FBXL20: variants seen among roughly 807,000 people sequenced by gnomAD.
FBXL20 encodes F-box and leucine rich repeat protein 20, also known as F-box/LRR-repeat protein 20.
A neutral mutation model predicts 64.0 loss-of-function variants in FBXL20; 11 were observed. That is an observed-to-expected ratio of 0.17 (90% CI 0.11 to 0.28). The LOEUF (loss-of-function observed/expected upper bound fraction) is 0.28. FBXL20 is among the 10% of genes least tolerant of loss of function. The probability of loss-of-function intolerance (pLI) is 1.00; values close to 1 mark genes in which losing one functional copy is unlikely to be tolerated. For synonymous variants in FBXL20, 184 were observed against 189.0 expected, an observed-to-expected ratio of 0.97 and a Z score of 0.22; for missense variants, 303 against 526.2, an observed-to-expected ratio of 0.58 and a Z score of 4.15.
intron 14 of FBXL20, among the ~76,000 whole-genome samples, chr17:39,263,496 C>T (rs1241576962): frequency 6.6e-6 from 1 of 152,110 alleles, no homozygotes; most frequent in African/African-American, 2.4e-5. Flanking sequence ...GCCTGGGTGA[C>T]AGAGGAGACC....
At chr17:39,262,152 C>T (rs2046752364) in intron 14 of FBXL20, among the ~76,000 whole-genome samples, 1 of 152,034 alleles carries the variant, frequency 6.6e-6, no homozygotes, top group South Asian at 2.1e-4. Context: ...CAAGGCCACC[C>T]CCAGTGCAAT....
chr17:39,336,709 A>G (rs1216813307), intron 2 of FBXL20, among the ~76,000 whole-genome samples: 2 of 151,920 alleles, frequency 1.3e-5, no homozygotes, highest in Non-Finnish European at 2.9e-5. Context: ...CTGTAATCCC[A>G]GCTACTCAGG....
At chr17:39,366,844 A>G (rs1269065984) in intron 1 of FBXL20, among the ~76,000 whole-genome samples, 1 of 149,236 alleles carries the variant, frequency 6.7e-6, no homozygotes, top group East Asian at 1.9e-4. Flanking sequence ...AAATTTCATC[A>G]TCAAGCCTCT....
intron 1 of FBXL20, among the ~76,000 whole-genome samples, chr17:39,394,398 G>A (rs2048162924): frequency 6.7e-6 from 1 of 148,196 alleles, no homozygotes; most frequent in South Asian, 2.1e-4. Flanking sequence ...TCAGCCTCCC[G>A]AGTAGCTGGG....
intron 2 of FBXL20, among the ~76,000 whole-genome samples, chr17:39,328,880 C>T (rs1007734381): frequency 4.6e-5 from 7 of 152,020 alleles, no homozygotes; most frequent in Non-Finnish European, 2.9e-5. Flanking sequence ...TAATGAGATC[C>T]CTATCTCTAC....
intron 10 of FBXL20, 80 bp downstream of exon 10, chr17:39,274,890 T>C (rs2046876134): frequency 6.3e-7 from 1 of 1,583,076 alleles, no homozygotes; most frequent in Non-Finnish European, 8.6e-7. Flanking sequence ...TACCTTAAAA[T>C]TCCAAAGTTC....
At chr17:39,363,925 G>A (rs867493719) in intron 1 of FBXL20, among the ~76,000 whole-genome samples, 2 of 129,178 alleles carry the variant, frequency 1.5e-5, no homozygotes, top group East Asian at 2.2e-4. Flanking sequence ...AGTCCCACTC[G>A]GTCGCCCAGG....
intron 1 of FBXL20, among the ~76,000 whole-genome samples, chr17:39,371,664 CTTTTTTTT>C (rs76801256): frequency 7.0e-6 from 1 of 143,170 alleles, no homozygotes; most frequent in Non-Finnish European, 1.5e-5. Context: ...TTACTTTTTT[CTTTTTTTT>C]TTTTTTGAGA....
intron 1 of FBXL20, among the ~76,000 whole-genome samples, chr17:39,345,621 A>G (rs2047625601): frequency 6.6e-6 from 1 of 151,922 alleles, no homozygotes; most frequent in African/African-American, 2.4e-5. Flanking sequence ...GATCACTGCA[A>G]CCTCCACCTC....
At chr17:39,402,131 G>A (rs1035080671), upstream of FBXL20, 1 of 1,231,470 alleles carries the variant, frequency 8.1e-7, no homozygotes, top group African/African-American at 1.6e-5. Context: ...TAAGGCACCC[G>A]CATCCTTCCC....
intron 2 of FBXL20, among the ~76,000 whole-genome samples, chr17:39,334,968 T>G (rs2047506206): frequency 6.6e-6 from 1 of 152,112 alleles, no homozygotes; most frequent in African/African-American, 2.4e-5. Flanking sequence ...AAAACTCAGT[T>G]GTATGTAAGA....
At chr17:39,365,741 T>C (rs546855941) in intron 1 of FBXL20, among the ~76,000 whole-genome samples, 5 of 152,350 alleles carry the variant, frequency 3.3e-5, no homozygotes, top group South Asian at 2.1e-4. Context: ...GAGGATTCCA[T>C]GAACTCTGAA....
At chr17:39,393,850 T>C (rs753794040) in intron 1 of FBXL20, among the ~76,000 whole-genome samples, 3 of 152,240 alleles carry the variant, frequency 2.0e-5, no homozygotes, top group Admixed American at 6.5e-5. Flanking sequence ...TCATATTAAA[T>C]ACGTATCTTT....
intron 1 of FBXL20, among the ~76,000 whole-genome samples, chr17:39,385,541 A>AGT (rs1207721922): frequency 3.3e-5 from 5 of 152,174 alleles, no homozygotes; most frequent in African/African-American, 1.2e-4. Flanking sequence ...GTAAAACAGA[A>AGT]GTGGGTGGAA....
intron 2 of FBXL20, among the ~76,000 whole-genome samples, chr17:39,334,848 G>T (rs2047504907): frequency 6.6e-6 from 1 of 152,206 alleles, no homozygotes. Context: ...CCAGCACTTT[G>T]GGAGGCTGAG....
At chr17:39,301,738 A>G (rs149006407) in intron 3 of FBXL20, among the ~76,000 whole-genome samples, 530 of 152,008 alleles carry the variant, frequency 3.5e-3, no homozygotes, top group African/African-American at 0.012. Flanking sequence ...GGGGGGAAAA[A>G]TTAAAAAAAT....
chr17:39,390,232 G>C (rs1004735467), intron 1 of FBXL20, among the ~76,000 whole-genome samples: 2 of 151,862 alleles, frequency 1.3e-5, no homozygotes, highest in Admixed American at 1.3e-4. Context: ...ACCAGCCTGG[G>C]CAACATGGCG....
At position 39,300,957 on chromosome 17, in the gene FBXL20, A is replaced by G. The variant is rs765617698; in HGVS notation, c.234+44T>C. ...CTAGGGCTAATCTGTTCCATGCTGT[A>G]ATTACTAACATGAAAACTGGGGCCA... On this transcript the variant is annotated intron_variant, in intron 4 of 14. Transcript: ENST00000264658. The G allele has an allele frequency of 1.9e-6, 3 of 1,548,572 alleles. No individual in the cohort carries two copies. In the African/African-American group the frequency reaches 4.1e-5, roughly 21 times the overall value.
intron 9 of FBXL20, among the ~76,000 whole-genome samples, chr17:39,278,429 C>T (rs1390876555): frequency 2.7e-5 from 4 of 150,826 alleles, no homozygotes; most frequent in Admixed American, 1.3e-4. Flanking sequence ...TATAGGCACG[C>T]GCGTGTGTGC....
Sources: allele counts gnomAD v4.1 joint callset (sites outside exome capture counted in the v4.1 genomes callset), GRCh38; gene constraint gnomAD v4.1.1; transcripts MANE v1.5; gene names NCBI Gene and HGNC (gene_info 2026-07-23, HGNC 2026-07-21).